The following GALNT5 variants were observed in gnomAD, a reference collection of about 807,000 sequenced individuals.
The protein encoded by GALNT5 is UDP-GalNAc:polypeptide N-acetylgalactosaminyltransferase 5.
A neutral mutation model predicts 85.4 loss-of-function variants in GALNT5; 72 were observed. The observed-to-expected ratio is 0.84, with a 90% CI of 0.70 to 1.03. GALNT5 has a LOEUF of 1.03. GALNT5 is among the 50% of genes least tolerant of loss of function. The pLI is 0.00. For missense variants in GALNT5, 1,137 were observed against 1,135.5 expected, an observed-to-expected ratio of 1.00 and a Z score of -0.02; for synonymous variants, 404 against 397.0, an observed-to-expected ratio of 1.02 and a Z score of -0.21.
At chr2:157,261,291 TG>T (rs1682335114) in intron 1 of GALNT5, among the ~76,000 whole-genome samples, 2 of 147,920 alleles carry the variant, frequency 1.4e-5, no homozygotes, top group African/African-American at 5.0e-5. Flanking sequence ...GTGGCGGGGG[TG>T]GGGGTGCTCA....
intron 8 of GALNT5, 114 bp from the exon 9 acceptor site, chr2:157,308,453 T>C (rs1014353788): frequency 2.8e-6 from 2 of 720,844 alleles, no homozygotes; most frequent in Non-Finnish European, 4.7e-6. Flanking sequence ...GACTTGAATA[T>C]AAAATGTCAG....
chr2:157,302,339 A>T, intron 7 of GALNT5: 1 of 152,064 alleles, frequency 6.6e-6, no homozygotes, highest in East Asian at 1.9e-4. Context: ...AACTAGTCTT[A>T]AAAAAATGGT....
Position 157,295,660 on chromosome 2 carries a change from T to C in GALNT5, c.1742-3T>C. 6.2e-7 allele frequency: 1 copy of C among 1,611,910 alleles called. No individual in the cohort carries two copies. Among genetic ancestry groups the C allele is most frequent in the East Asian group, 2.2e-5 (1 of 44,828 alleles). ...AGTTTTTTGTGTGTGTTTGGCCCTC[T>C]AGGTGATGTGTTGACATTTTTAGAT... On this transcript the variant is annotated splice_region_variant and splice_polypyrimidine_tract_variant and intron_variant, in intron 3 of 9. Transcript: ENST00000259056.
Position 157,313,129 on chromosome 2 carries a change from T to A in GALNT5, c.*1781T>A, listed in dbSNP as rs1470029244. 1.3e-5 allele frequency: 2 copies of A among 152,176 alleles called. No individual in the cohort carries two copies. Among genetic ancestry groups the A allele is most frequent in the Non-Finnish European group, 2.9e-5 (2 of 68,008 alleles). The allele number at this position is 152,176 out of a possible 1,614,324, so 9.4% of individuals were successfully genotyped here. A position where few individuals can be genotyped will look rare whatever the true frequency, so the allele number is the denominator to read the frequency against. ...TGAGATACAGTTATATGACACATAA[T>A]GATGTTTTAGTCAACAATGAACCAC... is the stretch of plus-strand genomic sequence containing the variant. On this transcript the variant is annotated 3_prime_UTR_variant, in exon 10 of 10. Transcript: ENST00000259056.
chr2:157,288,931 G>C (rs62175181), intron 3 of GALNT5, among the ~76,000 whole-genome samples: 2,604 of 152,270 alleles, frequency 0.017, 26 homozygotes, highest in Non-Finnish European at 0.026. Flanking sequence ...AAGAGAATAA[G>C]AATGACACCA....
chr2:157,285,660 G>C (rs1167538695), intron 2 of GALNT5, among the ~76,000 whole-genome samples: 1 of 152,194 alleles, frequency 6.6e-6, no homozygotes, highest in Non-Finnish European at 1.5e-5. Context: ...GCTTTTGCAA[G>C]AGGTGGGGCT....
At chr2:157,272,403 G>T (rs535433454) in intron 1 of GALNT5, among the ~76,000 whole-genome samples, 1 of 152,088 alleles carries the variant, frequency 6.6e-6, no homozygotes, top group East Asian at 1.9e-4. Flanking sequence ...TTAGATTCAG[G>T]AAGTACATGT....
chr2:157,308,182 A>G (rs1318796753), intron 8 of GALNT5, among the ~76,000 whole-genome samples: 1 of 152,188 alleles, frequency 6.6e-6, no homozygotes, highest in African/African-American at 2.4e-5. Flanking sequence ...GAACATTCCA[A>G]TTCTTTAAGC....
At position 157,314,508 on chromosome 2, in the gene GALNT5, C is replaced by T. The variant is rs1683653120; in HGVS notation, c.*3160C>T. Among the ~76,000 whole-genome samples the T allele has an allele frequency of 6.6e-6, 1 of 152,198 alleles. No homozygotes were observed. The highest frequency in any genetic ancestry group is 2.4e-5 in the African/African-American group (1 of 41,452). On this transcript the variant is annotated 3_prime_UTR_variant, in exon 10 of 10. Coordinates refer to ENST00000259056, the MANE Select transcript of GALNT5 (RefSeq NM_014568.3). ...ACAGCAAACCACCATGTGCCATGAT[C>T]ACAATGTATTATTAGCTTCGCCACA...
intron 1 of GALNT5, among the ~76,000 whole-genome samples, chr2:157,276,910 T>C (rs1574018254): frequency 6.6e-6 from 1 of 152,206 alleles, no homozygotes; most frequent in African/African-American, 2.4e-5. Flanking sequence ...TAATTTGTGA[T>C]GTTAGGGTGT....
intron 7 of GALNT5, among the ~76,000 whole-genome samples, chr2:157,304,833 G>A (rs1405708251): frequency 6.6e-6 from 1 of 152,146 alleles, no homozygotes; most frequent in African/African-American, 2.4e-5. Flanking sequence ...ATGAAGTCTG[G>A]CAATTCTGTG....
Position 157,259,208 on chromosome 2 carries a change from G to A in GALNT5, c.1126G>A (p.Val376Met). The A allele has an allele frequency of 6.3e-7, 1 of 1,583,726 alleles. No homozygotes were observed. The highest frequency in any genetic ancestry group is 8.6e-7 in the Non-Finnish European group (1 of 1,169,146). ...MSSSSLAPHR[V>M]PLSQTNHALT... The stretch of plus-strand genomic sequence containing the variant: ...TTCCTCTTCACTTGCTCCACATAGA[G>A]TGCCACTGTCCCAAACTAACCATGC... Residue 376 changes from valine to methionine, a missense_variant, in exon 1 of 10, where the codon GTG (valine) becomes ATG (methionine). Val to Met is a conservative substitution (Grantham distance 21, BLOSUM62 1). Transcript: ENST00000259056.
rs145821484 is a variant in GALNT5 at position 157,316,599 on chromosome 2, C to G, written c.*5251C>G. On this transcript the variant is annotated 3_prime_UTR_variant, in exon 10 of 10. Transcript: ENST00000259056. ...GGGTTACTCAATAGTTGCTACAAGA[C>G]AAAATGCCTTACAATTAGAAAAAAA... is the stretch of plus-strand genomic sequence containing the variant. Among the ~76,000 whole-genome samples, 453 of 151,898 alleles carry G rather than the reference C, an allele frequency of 3.0e-3. No homozygotes were observed. Among genetic ancestry groups the G allele is most frequent in the African/African-American group, 0.011 (435 of 41,424 alleles).
At position 157,313,054 on chromosome 2, in the gene GALNT5, T is replaced by A. The variant is rs190182486; in HGVS notation, c.*1706T>A. 6.6e-6 allele frequency: 1 copy of A among 152,286 alleles called. No individual in the cohort carries two copies. The highest frequency in any genetic ancestry group is 2.4e-5 in the African/African-American group (1 of 41,558). The allele number at this position is 152,286 out of a possible 1,614,324, so 9.4% of individuals were successfully genotyped here. On this transcript the variant is annotated 3_prime_UTR_variant, in exon 10 of 10. Transcript: ENST00000259056. Reference sequence around the variant, plus strand: ...CACATTTGTAACATATTTAAGATGTTTTCTTCATATAATTGAAAACTGCAG... The same window carrying A: ...CACATTTGTAACATATTTAAGATGTATTCTTCATATAATTGAAAACTGCAG...
intron 1 of GALNT5, among the ~76,000 whole-genome samples, chr2:157,263,783 TTAA>T (rs1393270458): frequency 1.4e-4 from 21 of 152,346 alleles, no homozygotes; most frequent in African/African-American, 5.1e-4. Flanking sequence ...TGTTTATAAA[TTAA>T]TAATGACTTC....
At chr2:157,290,755 G>A (rs1403027882) in intron 3 of GALNT5, among the ~76,000 whole-genome samples, 1 of 152,100 alleles carries the variant, frequency 6.6e-6, no homozygotes, top group African/African-American at 2.4e-5. Context: ...GAGATCCAAA[G>A]ACATGCAGAA....
Position 157,284,320 on chromosome 2 carries a change from C to T in GALNT5, c.1493C>T (p.Thr498Ile). The change falls in exon 2 of 10, where the codon ACC becomes ATC. Residue 498 changes from threonine to isoleucine, a missense_variant. By Grantham distance (89) the Thr-to-Ile change is moderately conservative. Coordinates refer to ENST00000259056, the MANE Select transcript of GALNT5 (RefSeq NM_014568.3). Reference sequence around the variant, plus strand: ...CTAGTTCACAATAACCTCCCAACCACCAGTGTCATCATGTGCTTTGTGGAT... The same window carrying T: ...CTAGTTCACAATAACCTCCCAACCATCAGTGTCATCATGTGCTTTGTGGAT... The part of the protein sequence containing the change: ...EQLVHNNLPT[T>I]SVIMCFVDEV... The T allele has an allele frequency of 1.2e-6, 2 of 1,614,046 alleles. No homozygotes were observed. The highest frequency in any genetic ancestry group is 1.7e-6 in the Non-Finnish European group (2 of 1,179,906).
chr2:157,313,243 G>A lies in GALNT5; in HGVS notation c.*1895G>A, dbSNP rs1234417983. On this transcript the variant is annotated 3_prime_UTR_variant, in exon 10 of 10. Transcript: ENST00000259056. Reference sequence around the variant, plus strand: ...GTTTAGACACACAAATACTCACCATGATGTTACAATAGCCTACAGTGTTCA... The same window carrying A: ...GTTTAGACACACAAATACTCACCATAATGTTACAATAGCCTACAGTGTTCA... The A allele has an allele frequency of 2.6e-5, 4 of 152,128 alleles. No individual in the cohort carries two copies. Among genetic ancestry groups the A allele is most frequent in the Non-Finnish European group, 5.9e-5 (4 of 68,022 alleles). 9.4% of individuals were successfully genotyped at this position (152,128 alleles called of 1,614,324 possible). A position where few individuals can be genotyped will look rare whatever the true frequency, so the allele number is the denominator to read the frequency against.
chr2:157,295,829 CA>C, intron 4 of GALNT5, 31 bp downstream of exon 4: 1 of 1,539,148 alleles, frequency 6.5e-7, no homozygotes, highest in Non-Finnish European at 8.9e-7. Context: ...AAGATACTTT[CA>C]AGCACATCTT....
Sources: allele counts gnomAD v4.1 joint callset (sites outside exome capture counted in the v4.1 genomes callset), GRCh38; gene constraint gnomAD v4.1.1; transcripts MANE v1.5; gene names NCBI Gene and HGNC (gene_info 2026-07-23, HGNC 2026-07-21).